PI4KA: variants seen among roughly 807,000 people sequenced by gnomAD.
PI4KA encodes phosphatidylinositol 4-kinase alpha.
Under a neutral mutation model 271.4 loss-of-function variants are expected in PI4KA, and 122 were observed. The observed-to-expected ratio is 0.45, with a 90% CI of 0.39 to 0.52. The LOEUF is 0.52. Among genes scored for constraint, PI4KA ranks in the 20% least tolerant of loss-of-function variants. The pLI is 0.00. For synonymous variants in PI4KA, 1,041 were observed against 1,078.8 expected (o/e 0.96, Z 0.69); for missense variants, 1,969 against 2,769.1 (o/e 0.71, Z 6.48).
At chr22:20,810,426 G>A (rs989477224) in intron 9 of PI4KA, among the ~76,000 whole-genome samples, 16 of 151,834 alleles carry the variant, frequency 1.1e-4, no homozygotes, top group African/African-American at 3.9e-4. Context: ...GGAGAATGGC[G>A]TGAACCTGGG....
intron 12 of PI4KA, 47 bp from the exon 13 acceptor site, chr22:20,803,367 T>C (rs2147611076): frequency 1.2e-6 from 2 of 1,611,860 alleles, no homozygotes; most frequent in East Asian, 4.5e-5. Flanking sequence ...TATGGGACCA[T>C]CTGAGTAGGC....
chr22:20,855,494 C>A (rs764185260), intron 1 of PI4KA, among the ~76,000 whole-genome samples: 1 of 152,088 alleles, frequency 6.6e-6, no homozygotes, highest in Non-Finnish European at 1.5e-5. Flanking sequence ...CCCCAGACTG[C>A]CCACATGTAT....
rs1922348762 is a variant in PI4KA at position 20,819,659 on chromosome 22, ACTG to A, written c.768_770del (p.Ser257del). The A allele has an allele frequency of 1.1e-5, 17 of 1,613,982 alleles. No homozygotes were observed. The East Asian group carries it at 3.8e-4, about 36-fold the overall frequency. ...GGCCCACCTGAGAGATGCTGGACACACTGCTGGTTTTCCTCTTCAGGGTACCCT... is the reference window on the plus strand; with the variant it reads ...GGCCCACCTGAGAGATGCTGGACACACTGGTTTTCCTCTTCAGGGTACCCT... On this transcript the variant is annotated inframe_deletion, in exon 6 of 55. Coordinates refer to ENST00000255882, the MANE Select transcript of PI4KA (RefSeq NM_058004.4).
intron 23 of PI4KA, among the ~76,000 whole-genome samples, chr22:20,759,252 C>A (rs915074251): frequency 6.6e-6 from 1 of 152,158 alleles, no homozygotes; most frequent in African/African-American, 2.4e-5. Flanking sequence ...CTATGTAGCC[C>A]AGGCTGGTCT....
rs542194114 is a variant in PI4KA at position 20,778,630 on chromosome 22, A to T, written c.2329-12937T>A. 3.9e-5 allele frequency among the ~76,000 whole-genome samples: 6 copies of T among 152,322 alleles called. No homozygotes were observed. The East Asian group carries it at 1.2e-3, about 29-fold the overall frequency. The stretch of plus-strand genomic sequence containing the variant: ...TGTTTTCAGAAAGCCTGGCCCATGG[A>T]CATTTTTCAACAGCATCTCCATTGC... On this transcript the variant is annotated intron_variant, in intron 19 of 54. Coordinates refer to ENST00000255882, the MANE Select transcript of PI4KA (RefSeq NM_058004.4).
intron 40 of PI4KA, 173 bp downstream of exon 40, chr22:20,727,601 A>AAAAT: frequency 4.4e-6 from 3 of 688,646 alleles, no homozygotes; most frequent in Non-Finnish European, 7.3e-6. Context: ...TACTGTGAAC[A>AAAAT]AAATAAATGC....
At position 20,733,046 on chromosome 22, in the gene PI4KA, T is replaced by G; in HGVS notation, c.4213A>C (p.Ser1405Arg). The change falls in exon 36 of 55, where the codon AGC becomes CGC. Residue 1405 changes from serine (S) to arginine (R), a missense_variant. By Grantham distance (110) the Ser-to-Arg change is moderately radical. Coordinates refer to ENST00000255882, the MANE Select transcript of PI4KA (RefSeq NM_058004.4). ...QGEKRLREDI[S>R]IMIKFWTAMF... ...GCGGTCCAAAATTTAATCATGATGC[T>G]TATGTCTTCACGCAGCCGCTTCTCT... is the stretch of plus-strand genomic sequence containing the variant. 1.2e-6 allele frequency: 2 copies of G among 1,611,672 alleles called. No individual in the cohort carries two copies. Among genetic ancestry groups the G allele is most frequent in the Non-Finnish European group, 1.7e-6 (2 of 1,179,594 alleles).
chr22:20,742,363 C>A lies in PI4KA; in HGVS notation c.3614-8G>T, dbSNP rs1254069520. On this transcript the variant is annotated splice_region_variant and splice_polypyrimidine_tract_variant and intron_variant, in intron 31 of 54. Transcript: ENST00000255882. Reference sequence around the variant, plus strand: ...GGAGCTGCGGGTCACAATCTGGAACCAAACACACGTCAGTCAGAGGCCTCC... The same window carrying A: ...GGAGCTGCGGGTCACAATCTGGAACAAAACACACGTCAGTCAGAGGCCTCC... 4 of 1,613,226 alleles carry A rather than the reference C, an allele frequency of 2.5e-6. No individual in the cohort carries two copies. Among genetic ancestry groups the A allele is most frequent in the Non-Finnish European group, 2.5e-6 (3 of 1,179,538 alleles).
intron 19 of PI4KA, among the ~76,000 whole-genome samples, chr22:20,772,009 C>A (rs1031249126): frequency 4.2e-4 from 64 of 152,184 alleles, no homozygotes; most frequent in African/African-American, 1.3e-3. Context: ...ATATGTAATA[C>A]CATGAAATGA....
intron 1 of PI4KA, among the ~76,000 whole-genome samples, chr22:20,851,965 A>C (rs913247850): frequency 2.0e-5 from 3 of 152,168 alleles, no homozygotes; most frequent in Non-Finnish European, 4.4e-5. Flanking sequence ...TCTACTAAAA[A>C]TACAAAAAAT....
chr22:20,819,944 G>C, intron 5 of PI4KA, 44 bp from the exon 6 acceptor site: 1 of 1,532,136 alleles, frequency 6.5e-7, no homozygotes, highest in South Asian at 1.2e-5. Context: ...AAAGTATCCT[G>C]ATAGAGTCAT....
At chr22:20,779,126 G>C in intron 19 of PI4KA, 1 of 1,456,696 alleles carries the variant, frequency 6.9e-7, no homozygotes, top group Non-Finnish European at 9.2e-7. Flanking sequence ...CAAAGGTTGG[G>C]TGTCTATCTA....
In PI4KA at chr22:20,786,984, G is replaced by A. The variant is rs754466406; in HGVS notation, c.2328+6209C>T. Reference sequence around the variant, plus strand: ...ACCCAAGTCCGCTTCACTGTCGACCGCCCCTTTCTTTTCCTCATCTACGAG... The same window carrying A: ...ACCCAAGTCCGCTTCACTGTCGACCACCCCTTTCTTTTCCTCATCTACGAG... On this transcript the variant is annotated intron_variant, in intron 19 of 54. Coordinates refer to ENST00000255882, the MANE Select transcript of PI4KA (RefSeq NM_058004.4). 26 of 1,614,006 alleles carry A rather than the reference G, an allele frequency of 1.6e-5. No homozygotes were observed. The South Asian group carries it at 1.8e-4, about 11-fold the overall frequency.
intron 27 of PI4KA, among the ~76,000 whole-genome samples, chr22:20,751,033 C>T (rs147808116): frequency 3.3e-5 from 5 of 152,254 alleles, no homozygotes; most frequent in South Asian, 2.1e-4. Flanking sequence ...GCAGCTAAAC[C>T]GAGAACACAG....
intron 15 of PI4KA, 122 bp from the exon 16 acceptor site, chr22:20,799,398 G>A: frequency 2.1e-6 from 2 of 956,150 alleles, no homozygotes; most frequent in African/African-American, 1.7e-5. Flanking sequence ...GTGTTCATCT[G>A]AAACTGACAG....
At chr22:20,857,457 C>T (rs1927740115) in intron 1 of PI4KA, among the ~76,000 whole-genome samples, 1 of 152,208 alleles carries the variant, frequency 6.6e-6, no homozygotes, top group South Asian at 2.1e-4. Flanking sequence ...CAGACAGCCA[C>T]AAAACCACTC....
chr22:20,709,089 G>A lies in PI4KA; in HGVS notation c.6257+207C>T, dbSNP rs1366435499. ...TCACGAGCCCTGCCCAGGTGGGCCC[G>A]GCCTCTGCCAAGTGTTCCCCTCGGC... On this transcript the variant is annotated intron_variant, in intron 54 of 54. Coordinates refer to ENST00000255882, the MANE Select transcript of PI4KA (RefSeq NM_058004.4). Among the ~76,000 whole-genome samples, 303 of 151,146 alleles carry A rather than the reference G, an allele frequency of 2.0e-3. 1 individual carries two copies. The highest frequency in any genetic ancestry group is 7.3e-3 in the African/African-American group (300 of 41,264).
chr22:20,834,333 A>C (rs901225293), intron 3 of PI4KA, among the ~76,000 whole-genome samples: 8 of 152,158 alleles, frequency 5.3e-5, no homozygotes, highest in African/African-American at 1.9e-4. Context: ...CTCTCAGAAG[A>C]ATGCAATGGA....
intron 29 of PI4KA, 44 bp downstream of exon 29, chr22:20,747,539 C>T (rs1434814236): frequency 6.2e-7 from 1 of 1,602,814 alleles, no homozygotes; most frequent in East Asian, 2.2e-5. Flanking sequence ...ACTGTGGCTC[C>T]TATGGTCTAA....
Sources: gnomAD v4.1 joint callset for allele counts (sites outside exome capture counted in the v4.1 genomes callset) on GRCh38, gnomAD v4.1.1 for gene constraint, MANE v1.5 for transcripts, NCBI Gene and HGNC (gene_info 2026-07-23, HGNC 2026-07-21) for gene names.